HELZ: variants seen among roughly 807,000 people sequenced by gnomAD.
HELZ encodes ATP-dependent RNA helicase with zinc finger domain.
In HELZ, 23 loss-of-function variants were observed where a neutral mutation model predicts 218.2. That is an observed-to-expected ratio of 0.11 (90% CI 0.08 to 0.15). HELZ has a LOEUF of 0.15. Ranked by LOEUF, HELZ falls within the 10% of genes least tolerant of loss-of-function variation. HELZ has a pLI of 1.00. For synonymous variants in HELZ, 814 were observed against 829.4 expected (o/e 0.98, Z 0.32); for missense variants, 1,813 against 2,353.7 (o/e 0.77, Z 4.75).
At chr17:67,124,350 TTCTC>T (rs2037715704) in intron 24 of HELZ, among the ~76,000 whole-genome samples, 2 of 152,208 alleles carry the variant, frequency 1.3e-5, no homozygotes, top group African/African-American at 4.8e-5. Flanking sequence ...GAATTGCAGT[TTCTC>T]TATACATTTT....
chr17:67,231,590 C>T (rs1452133862), intron 3 of HELZ, among the ~76,000 whole-genome samples: 1 of 123,916 alleles, frequency 8.1e-6, no homozygotes, highest in African/African-American at 3.1e-5. Flanking sequence ...CAGACTCTGT[C>T]GGAAAAAAAA....
chr17:67,195,964 G>A (rs1040040871), intron 7 of HELZ, among the ~76,000 whole-genome samples: 5 of 147,872 alleles, frequency 3.4e-5, no homozygotes, highest in Admixed American at 7.0e-5. Flanking sequence ...TGATTCTCCT[G>A]CCTCAGCCTT....
chr17:67,102,272 C>T (rs2036954385), intron 31 of HELZ, among the ~76,000 whole-genome samples: 1 of 152,132 alleles, frequency 6.6e-6, no homozygotes, highest in Non-Finnish European at 1.5e-5. Flanking sequence ...AAATAATCTC[C>T]CTCCATTAAT....
chr17:67,121,065 A>T (rs1202358955), intron 26 of HELZ, among the ~76,000 whole-genome samples: 1 of 152,232 alleles, frequency 6.6e-6, no homozygotes, highest in East Asian at 1.9e-4. Context: ...TCAACTCAAA[A>T]AACTGGTATT....
chr17:67,135,008 TCAA>T (rs1240143278), intron 23 of HELZ, among the ~76,000 whole-genome samples: 3 of 152,030 alleles, frequency 2.0e-5, no homozygotes, highest in Non-Finnish European at 4.4e-5. Context: ...GCACAGTTCT[TCAA>T]CACTCAAAAG....
chr17:67,115,075 G>A (rs2037389319), intron 27 of HELZ, among the ~76,000 whole-genome samples: 1 of 151,996 alleles, frequency 6.6e-6, no homozygotes, highest in East Asian at 1.9e-4. Flanking sequence ...CATTCTTTTT[G>A]GAATTCCACT....
intron 15 of HELZ, 132 bp downstream of exon 15, chr17:67,166,346 C>T (rs2039143836): frequency 1.6e-6 from 1 of 637,354 alleles, no homozygotes; most frequent in Admixed American, 2.9e-5. Context: ...TTCTTTTACT[C>T]TCCTTTCTAA....
chr17:67,182,032 C>G (rs912538422), intron 12 of HELZ, among the ~76,000 whole-genome samples: 28 of 152,198 alleles, frequency 1.8e-4, no homozygotes, highest in African/African-American at 6.8e-4. Context: ...TTTGTCATCT[C>G]CACCTACAGC....
chr17:67,226,879 G>A (rs576448378), intron 3 of HELZ, among the ~76,000 whole-genome samples: 3 of 152,090 alleles, frequency 2.0e-5, no homozygotes, highest in Non-Finnish European at 2.9e-5. Flanking sequence ...AAAGACCCCA[G>A]TCTCAAAAGC....
Position 67,215,938 on chromosome 17 carries a change from G to A in HELZ, c.211-3C>T. The A allele has an allele frequency of 6.6e-7, 1 of 1,518,944 alleles. No homozygotes were observed. The allele number at this position is 1,518,944 out of a possible 1,614,324, so 94.1% of individuals were successfully genotyped here. Reference sequence around the variant, plus strand: ...TCATCAGCTTGCACATAATTTTTCTGCAAAACAAAAATACAAGATAAAATT... The same window carrying A: ...TCATCAGCTTGCACATAATTTTTCTACAAAACAAAAATACAAGATAAAATT... On this transcript the variant is annotated splice_region_variant and splice_polypyrimidine_tract_variant and intron_variant, in intron 4 of 32. Coordinates refer to ENST00000358691, the MANE Select transcript of HELZ (RefSeq NM_014877.4).
At chr17:67,202,540 T>C (rs1241392308) in intron 6 of HELZ, among the ~76,000 whole-genome samples, 1 of 152,188 alleles carries the variant, frequency 6.6e-6, no homozygotes. Flanking sequence ...AAATTGATTG[T>C]AAAGTCTGAA....
At chr17:67,161,134 A>ACGTGTAT (rs2038983953) in intron 15 of HELZ, 58 bp from the exon 16 acceptor site, 1 of 1,282,738 alleles carries the variant, frequency 7.8e-7, no homozygotes, top group Non-Finnish European at 1.1e-6. Context: ...ATAGAACATA[A>ACGTGTAT]CACACGAGTA....
intron 20 of HELZ, among the ~76,000 whole-genome samples, chr17:67,148,346 T>C (rs1383800403): frequency 6.6e-6 from 1 of 152,224 alleles, no homozygotes; most frequent in Non-Finnish European, 1.5e-5. Context: ...AGGAAGAACA[T>C]GATTTCAGAG....
intron 2 of HELZ, among the ~76,000 whole-genome samples, chr17:67,242,493 CACAT>C (rs1414171052): frequency 7.0e-6 from 1 of 143,742 alleles, no homozygotes; most frequent in African/African-American, 2.6e-5. Flanking sequence ...CATATATACA[CACAT>C]ATCTATACAC....
At chr17:67,214,391 G>A (rs139638289) in intron 5 of HELZ, among the ~76,000 whole-genome samples, 3,792 of 144,044 alleles carry the variant, frequency 0.026, 78 homozygotes, top group Non-Finnish European at 0.038. Flanking sequence ...TCAGCCTCCC[G>A]AGTAGCTGGG....
intron 31 of HELZ, among the ~76,000 whole-genome samples, chr17:67,098,942 T>C (rs2036836811): frequency 6.6e-6 from 1 of 152,194 alleles, no homozygotes; most frequent in Non-Finnish European, 1.5e-5. Context: ...TGTCCTTTTT[T>C]CCTCTGCCAG....
At chr17:67,245,914 G>A (rs1598503214), upstream of HELZ, 1 of 152,260 alleles carries the variant, frequency 6.6e-6, no homozygotes, top group Admixed American at 6.5e-5. Flanking sequence ...GTGGCTCCAG[G>A]CTCCGCGGAG....
chr17:67,160,186 A>C (rs2038956951), intron 17 of HELZ, 75 bp downstream of exon 17: 2 of 897,146 alleles, frequency 2.2e-6, no homozygotes, highest in East Asian at 2.5e-5. Flanking sequence ...CAAAGTTACT[A>C]AAATCTTTAC....
Position 67,203,155 on chromosome 17 carries a change from A to T in HELZ, c.372+164T>A, listed in dbSNP as rs539693721. ...AAAAAAACAAAAAAAGAAAAGAAAGAAAAGAAAAATGGGTACTATATCTCA... is the reference window on the plus strand; with the variant it reads ...AAAAAAACAAAAAAAGAAAAGAAAGTAAAGAAAAATGGGTACTATATCTCA... On this transcript the variant is annotated intron_variant, in intron 6 of 32. Coordinates refer to ENST00000358691, the MANE Select transcript of HELZ (RefSeq NM_014877.4). 6.8e-4 allele frequency among the ~76,000 whole-genome samples: 104 copies of T among 152,276 alleles called. 1 individual carries two copies. The highest frequency in any genetic ancestry group is 2.6e-4 in the Non-Finnish European group (18 of 68,016).
Sources: gnomAD v4.1 joint callset for allele counts (sites outside exome capture counted in the v4.1 genomes callset) on GRCh38, gnomAD v4.1.1 for gene constraint, MANE v1.5 for transcripts, NCBI Gene and HGNC (gene_info 2026-07-23, HGNC 2026-07-21) for gene names.